ASXL1: variants seen among roughly 807,000 people sequenced by gnomAD.
ASXL1 encodes polycomb group protein ASXL1.
Under a neutral mutation model 89.1 loss-of-function variants are expected in ASXL1, and 65 were observed. The observed-to-expected ratio is 0.73, with a 90% CI of 0.60 to 0.90. The LOEUF is 0.90. ASXL1 is among the 40% of genes least tolerant of loss of function. ASXL1 has a pLI of 0.00. For synonymous variants in ASXL1, 739 were observed against 746.9 expected, an observed-to-expected ratio of 0.99 and a Z score of 0.17; for missense variants, 1,786 against 1,942.9, an observed-to-expected ratio of 0.92 and a Z score of 1.52.
intron 4 of ASXL1, among the ~76,000 whole-genome samples, chr20:32,416,314 G>A (rs138523550): frequency 2.0e-5 from 3 of 151,924 alleles, no homozygotes; most frequent in Non-Finnish European, 4.4e-5. Flanking sequence ...CTTCTATTTT[G>A]CCATGTTTAA....
Position 32,435,633 on chromosome 20 carries a change from ACTG to A in ASXL1, c.2922_2924del (p.Cys975del). 1 of 1,614,156 alleles carries A rather than the reference ACTG, an allele frequency of 6.2e-7. No homozygotes were observed. Among genetic ancestry groups the A allele is most frequent in the South Asian group, 1.1e-5 (1 of 91,084 alleles). The stretch of plus-strand genomic sequence containing the variant: ...GGAGGCAGTGACAGCAATGGCAGTT[ACTG>A]TCAACAGGTGGACATTGAAAAGCTG... On this transcript the variant is annotated inframe_deletion, in exon 13 of 13. Transcript: ENST00000375687.
In ASXL1 at chr20:32,437,685, A is replaced by G; in HGVS notation, c.*347A>G. On this transcript the variant is annotated 3_prime_UTR_variant, in exon 13 of 13. Transcript: ENST00000375687. ...AAGCAAGAAGGTTGCATTCTCCACC[A>G]AGGGAGTTAACCTACCTGAACTAAG... is the stretch of plus-strand genomic sequence containing the variant. 2.5e-6 allele frequency: 1 copy of G among 403,740 alleles called. No homozygotes were observed. Among genetic ancestry groups the G allele is most frequent in the Middle Eastern group, 7.1e-4 (1 of 1,402 alleles). The allele number at this position is 403,740 out of a possible 1,614,324, so 25.0% of individuals were successfully genotyped here.
At chr20:32,431,220 T>C in intron 8 of ASXL1, 101 bp from the exon 9 acceptor site, 1 of 1,419,610 alleles carries the variant, frequency 7.0e-7, no homozygotes, top group Non-Finnish European at 9.8e-7. Context: ...TGCAGATAAC[T>C]CCTGGGTAGC....
At chr20:32,398,614 TG>T in intron 4 of ASXL1, among the ~76,000 whole-genome samples, 1 of 144,710 alleles carries the variant, frequency 6.9e-6, no homozygotes, top group African/African-American at 2.5e-5. Flanking sequence ...TTTTTTTTTT[TG>T]TTTTTTTTTT....
At position 32,437,698 on chromosome 20, in the gene ASXL1, T is replaced by C. The variant is rs916699669; in HGVS notation, c.*360T>C. 5.8e-5 allele frequency: 21 copies of C among 359,222 alleles called. No homozygotes were observed. The highest frequency in any genetic ancestry group is 1.0e-4 in the Non-Finnish European group (20 of 194,702). 22.3% of individuals were successfully genotyped at this position (359,222 alleles called of 1,614,324 possible). On this transcript the variant is annotated 3_prime_UTR_variant, in exon 13 of 13. Coordinates refer to ENST00000375687, the MANE Select transcript of ASXL1 (RefSeq NM_015338.6). The stretch of plus-strand genomic sequence containing the variant: ...GCATTCTCCACCAAGGGAGTTAACC[T>C]ACCTGAACTAAGTAGAAATGCCAGT...
intron 4 of ASXL1, among the ~76,000 whole-genome samples, chr20:32,426,736 T>C (rs1480201494): frequency 2.0e-5 from 3 of 151,632 alleles, no homozygotes; most frequent in Admixed American, 2.0e-4. Flanking sequence ...ATTTTTTGTA[T>C]TTTAGTAGAA....
At chr20:32,430,735 CT>C in intron 8 of ASXL1, 1 of 241,642 alleles carries the variant, frequency 4.1e-6, no homozygotes, top group Non-Finnish European at 8.2e-6. Context: ...TGTCTTGCTG[CT>C]TTTCCAGCTC....
chr20:32,358,685 A>ACCGCCG lies in ASXL1; in HGVS notation c.-82_-77dup, dbSNP rs886056593. The ACCGCCG allele has an allele frequency of 8.0e-6, 4 of 501,512 alleles. No individual in the cohort carries two copies. The highest frequency in any genetic ancestry group is 1.1e-5 in the Non-Finnish European group (4 of 380,786). The allele number at this position is 501,512 out of a possible 1,614,324, so 31.1% of individuals were successfully genotyped here. A position where few individuals can be genotyped will look rare whatever the true frequency, so the allele number is the denominator to read the frequency against. On this transcript the variant is annotated 5_prime_UTR_variant, in exon 1 of 13. Transcript: ENST00000375687. ...GCCGCCGCTGCCACGCGCCCCCCCC[A>ACCGCCG]CCGCCGCCGCCGCCCCAGCCCCGCG...
In ASXL1 at chr20:32,434,998, G is replaced by A. The variant is rs1462038951; in HGVS notation, c.2286G>A (p.Leu762=). Residue 762 remains leucine (L), a synonymous_variant, in exon 13 of 13, where the codon TTG becomes TTA. Transcript: ENST00000375687. The part of the protein sequence containing the change: ...APTGDQPCQA[L]PLLSSQTSVA... Reference sequence around the variant, plus strand: ...CTGGGGACCAGCCATGCCAGGCCTTGCCCCTACTGTCCTCCCAAACCTCAG... The same window carrying A: ...CTGGGGACCAGCCATGCCAGGCCTTACCCCTACTGTCCTCCCAAACCTCAG... 5 of 1,614,152 alleles carry A rather than the reference G, an allele frequency of 3.1e-6. No homozygotes were observed. The highest frequency in any genetic ancestry group is 4.2e-6 in the Non-Finnish European group (5 of 1,180,036).
intron 4 of ASXL1, among the ~76,000 whole-genome samples, chr20:32,398,603 G>GTTTTTTTTTTTTTTTTTT (rs375341392): frequency 8.7e-5 from 11 of 126,440 alleles, no homozygotes; most frequent in Non-Finnish European, 9.5e-5. Flanking sequence ...TTTTTTGTTT[G>GTTTTTTTTTTTTTTTTTT]TTTTTTTTTT....
chr20:32,366,240 T>C, intron 1 of ASXL1, 144 bp from the exon 2 acceptor site: 1 of 732,840 alleles, frequency 1.4e-6, no homozygotes, highest in Non-Finnish European at 2.4e-6. Flanking sequence ...ATATGTGTAA[T>C]TTGATTTCTG....
chr20:32,410,874 C>CA (rs1322975591), intron 4 of ASXL1, among the ~76,000 whole-genome samples: 2 of 151,524 alleles, frequency 1.3e-5, no homozygotes, highest in Non-Finnish European at 2.9e-5. Context: ...GCTAAAAATA[C>CA]AAAAAAATTA....
chr20:32,418,809 C>CTTTTTTTTTTTTTTTTTTTTTT (rs71338437), intron 4 of ASXL1, among the ~76,000 whole-genome samples: 1 of 55,748 alleles, frequency 1.8e-5, no homozygotes. Flanking sequence ...GAATTGACAT[C>CTTTTTTTTTTTTTTTTTTTTTT]TTTTTTTTTT....
rs2145379256 is a variant in ASXL1, at chr20:32,435,960, C to T, written c.3248C>T (p.Ala1083Val). 4 of 1,614,166 alleles carry T rather than the reference C, an allele frequency of 2.5e-6. No individual in the cohort carries two copies. Among genetic ancestry groups the T allele is most frequent in the Non-Finnish European group, 3.4e-6 (4 of 1,180,044 alleles). The stretch of plus-strand genomic sequence containing the variant: ...AAGATCCCAGATTCCCTACTGCTGG[C>T]CAGTACTGAGTACCAGCCAAGAGCC... ...RQKIPDSLLL[A>V]STEYQPRAVC... Residue 1083 changes from alanine to valine, a missense_variant, in exon 13 of 13, where the codon GCC becomes GTC. Ala to Val is a moderately conservative substitution (Grantham distance 64, BLOSUM62 0). Transcript: ENST00000375687.
intron 1 of ASXL1, among the ~76,000 whole-genome samples, chr20:32,361,185 A>G (rs911506342): frequency 1.3e-5 from 2 of 152,240 alleles, no homozygotes; most frequent in Non-Finnish European, 2.9e-5. Flanking sequence ...TCTCTACAAC[A>G]ACAGCAACAA....
chr20:32,430,698 C>G (rs975820117), intron 8 of ASXL1: 1 of 237,700 alleles, frequency 4.2e-6, no homozygotes, highest in African/African-American at 2.2e-5. Flanking sequence ...TAGAGTAAAC[C>G]TTTGCCCATG....
chr20:32,359,205 G>T (rs764731885), intron 1 of ASXL1: 1 of 698,270 alleles, frequency 1.4e-6, no homozygotes. Context: ...TTGGGTTTCC[G>T]GGAAGGGTCG....
intron 4 of ASXL1, among the ~76,000 whole-genome samples, chr20:32,393,102 T>G (rs1000813991): frequency 6.6e-6 from 1 of 152,224 alleles, no homozygotes; most frequent in Non-Finnish European, 1.5e-5. Flanking sequence ...TGTTTAAGTC[T>G]TCTGTATTCT....
intron 4 of ASXL1, among the ~76,000 whole-genome samples, chr20:32,382,908 T>C (rs570466672): frequency 6.6e-6 from 1 of 152,276 alleles, no homozygotes; most frequent in East Asian, 1.9e-4. Context: ...AATCCTAGAA[T>C]TTTAGTGAGG....
Sources: gnomAD v4.1 joint callset for allele counts (sites outside exome capture counted in the v4.1 genomes callset) on GRCh38, gnomAD v4.1.1 for gene constraint, MANE v1.5 for transcripts, NCBI Gene and HGNC (gene_info 2026-07-23, HGNC 2026-07-21) for gene names.